Variants in NKAIN2 observed in about 807,000 individuals in gnomAD.
The protein encoded by NKAIN2 is sodium/potassium transporting ATPase interacting 2.
A neutral mutation model predicts 32.6 loss-of-function variants in NKAIN2; 14 were observed. That is an observed-to-expected ratio of 0.43 (90% confidence interval 0.28 to 0.67). The LOEUF (loss-of-function observed/expected upper bound fraction) is 0.67, where lower values mean the gene tolerates loss of function less well. NKAIN2 is among the 30% of genes least tolerant of loss of function. The probability of loss-of-function intolerance (pLI) is 0.17; values close to 1 mark genes in which losing one functional copy is unlikely to be tolerated. For missense variants in NKAIN2, 198 were observed against 258.3 expected (o/e 0.77, Z 1.60); for synonymous variants, 80 against 87.2 (o/e 0.92, Z 0.46).
chr6:124,149,065 A>C (rs1165087885), intron 1 of NKAIN2, among the ~76,000 whole-genome samples: 1 of 152,120 alleles, frequency 6.6e-6, no homozygotes, highest in Non-Finnish European at 1.5e-5. Context: ...CAAGATATTG[A>C]TCATTCTTTA....
chr6:124,371,512 T>C (rs1799758790), intron 3 of NKAIN2, among the ~76,000 whole-genome samples: 1 of 151,728 alleles, frequency 6.6e-6, no homozygotes, highest in Non-Finnish European at 1.5e-5. Context: ...ACCAACAGGG[T>C]GAAACCCCGT....
chr6:124,775,914 G>T (rs1378912586), intron 4 of NKAIN2, among the ~76,000 whole-genome samples: 2 of 152,040 alleles, frequency 1.3e-5, no homozygotes, highest in African/African-American at 4.8e-5. Context: ...AGTATCCAAA[G>T]GGTCCAAAGG....
At chr6:124,123,279 C>A (rs1785982794) in intron 1 of NKAIN2, among the ~76,000 whole-genome samples, 1 of 151,820 alleles carries the variant, frequency 6.6e-6, no homozygotes, top group Non-Finnish European at 1.5e-5. Flanking sequence ...TAATAGGCTC[C>A]TGAAAGGAGG....
chr6:124,549,659 G>A (rs1780218803), intron 3 of NKAIN2, among the ~76,000 whole-genome samples: 2 of 152,182 alleles, frequency 1.3e-5, no homozygotes, highest in South Asian at 4.1e-4. Context: ...TCGAATCTGA[G>A]ACAGGTTTTC....
intron 1 of NKAIN2, among the ~76,000 whole-genome samples, chr6:123,874,629 AAT>A (rs1012291294): frequency 3.3e-5 from 5 of 152,130 alleles, no homozygotes; most frequent in African/African-American, 1.2e-4. Flanking sequence ...CTTCTCTAGA[AAT>A]ATATATTTTT....
chr6:124,824,814 T>C lies in NKAIN2; in HGVS notation c.*1585T>C, dbSNP rs940775629. ...TATTGGATTAAACTACTTTAGACCT[T>C]AGCCCATTCGGATCTACATACACCA... On this transcript the variant is annotated 3_prime_UTR_variant, in exon 7 of 7. Coordinates refer to ENST00000368417, the MANE Select transcript of NKAIN2 (RefSeq NM_001040214.3). 6.6e-6 allele frequency: 1 copy of C among 152,206 alleles called. No individual in the cohort carries two copies. The highest frequency in any genetic ancestry group is 1.5e-5 in the Non-Finnish European group (1 of 68,028). 9.4% of individuals were successfully genotyped at this position (152,206 alleles called of 1,614,324 possible). A position where few individuals can be genotyped will look rare whatever the true frequency, so the allele number is the denominator to read the frequency against.
chr6:124,713,485 A>G (rs952091488), intron 4 of NKAIN2, among the ~76,000 whole-genome samples: 4 of 152,188 alleles, frequency 2.6e-5, no homozygotes, highest in African/African-American at 9.6e-5. Context: ...TAAAGACAAG[A>G]CAAGCTTAAA....
At chr6:124,593,785 A>C (rs923767498) in intron 3 of NKAIN2, among the ~76,000 whole-genome samples, 4 of 152,224 alleles carry the variant, frequency 2.6e-5, no homozygotes, top group African/African-American at 9.6e-5. Context: ...GGAAGGATTT[A>C]AAACATATTA....
intron 1 of NKAIN2, among the ~76,000 whole-genome samples, chr6:124,155,292 A>T (rs962108653): frequency 6.6e-6 from 1 of 152,114 alleles, no homozygotes; most frequent in Non-Finnish European, 1.5e-5. Flanking sequence ...TATAGCTTCA[A>T]ACAGCTAGAA....
chr6:124,573,219 A>G (rs1292138881), intron 3 of NKAIN2, among the ~76,000 whole-genome samples: 1 of 152,232 alleles, frequency 6.6e-6, no homozygotes, highest in Non-Finnish European at 1.5e-5. Context: ...AAAAGCATGA[A>G]GCAGTACATT....
chr6:124,754,827 A>G (rs1430698549), intron 4 of NKAIN2, among the ~76,000 whole-genome samples: 1 of 152,178 alleles, frequency 6.6e-6, no homozygotes, highest in Admixed American at 6.5e-5. Flanking sequence ...AGAAACACAC[A>G]TATACACATA....
At chr6:124,117,930 T>C (rs959892922) in intron 1 of NKAIN2, among the ~76,000 whole-genome samples, 12 of 150,288 alleles carry the variant, frequency 8.0e-5, no homozygotes, top group African/African-American at 2.9e-4. Context: ...TCAGGAAAGA[T>C]GGCATACCTT....
chr6:124,416,557 T>G (rs1774496848), intron 3 of NKAIN2, among the ~76,000 whole-genome samples: 1 of 152,172 alleles, frequency 6.6e-6, no homozygotes, highest in Non-Finnish European at 1.5e-5. Flanking sequence ...GAGGACTGCT[T>G]GAGCCCAGAA....
At chr6:123,840,489 ATTATTT>A (rs1774824436) in intron 1 of NKAIN2, among the ~76,000 whole-genome samples, 1 of 152,098 alleles carries the variant, frequency 6.6e-6, no homozygotes, top group South Asian at 2.1e-4. Flanking sequence ...GTCTAACCTG[ATTATTT>A]TTATGATTTA....
At chr6:124,320,296 C>T (rs555188663) in intron 2 of NKAIN2, among the ~76,000 whole-genome samples, 69 of 152,204 alleles carry the variant, frequency 4.5e-4, no homozygotes, top group African/African-American at 1.6e-3. Context: ...GTAAGAAATG[C>T]ACTATTTTCA....
At chr6:124,794,127 C>T (rs1473635423) in intron 5 of NKAIN2, among the ~76,000 whole-genome samples, 1 of 152,136 alleles carries the variant, frequency 6.6e-6, no homozygotes, top group Non-Finnish European at 1.5e-5. Context: ...TCTCCACATG[C>T]TTTTTGGGGA....
At chr6:124,813,036 T>A (rs1780974419) in intron 5 of NKAIN2, among the ~76,000 whole-genome samples, 2 of 151,908 alleles carry the variant, frequency 1.3e-5, no homozygotes, top group Admixed American at 1.3e-4. Context: ...TAAAAAAACA[T>A]CGTTGTTATC....
chr6:124,296,088 A>G (rs969358475), intron 2 of NKAIN2, among the ~76,000 whole-genome samples: 2 of 152,134 alleles, frequency 1.3e-5, no homozygotes, highest in Admixed American at 1.3e-4. Flanking sequence ...TAAATAATGT[A>G]TAATTCCTCC....
rs570891925 is a variant in NKAIN2 at position 124,176,160 on chromosome 6, A to T, written c.55-106845A>T. Among the ~76,000 whole-genome samples the T allele has an allele frequency of 3.4e-4, 52 of 152,346 alleles. 1 individual carries two copies. In the South Asian group the frequency reaches 0.011, roughly 32 times the overall value. On this transcript the variant is annotated intron_variant, in intron 1 of 6. Coordinates refer to ENST00000368417, the MANE Select transcript of NKAIN2 (RefSeq NM_001040214.3). ...TTATGCAATAGCATTATGTCTAAAAAAGTGCATACTTTAAAATACTTTATT... is the reference window on the plus strand; with the variant it reads ...TTATGCAATAGCATTATGTCTAAAATAGTGCATACTTTAAAATACTTTATT...
Sources: gnomAD v4.1 joint callset for allele counts (sites outside exome capture counted in the v4.1 genomes callset) on GRCh38, gnomAD v4.1.1 for gene constraint, MANE v1.5 for transcripts, NCBI Gene and HGNC (gene_info 2026-07-23, HGNC 2026-07-21) for gene names.